The following OTUD7B variants were observed in gnomAD, a reference collection of about 807,000 sequenced individuals.
The protein encoded by OTUD7B is OTU domain-containing protein 7B.
A neutral mutation model predicts 82.2 loss-of-function variants in OTUD7B; 34 were observed. That is an observed-to-expected ratio of 0.41 (90% CI 0.31 to 0.55). The LOEUF is 0.55. OTUD7B is among the 20% of genes least tolerant of loss of function. The pLI is 0.20. For missense variants in OTUD7B, 944 were observed against 1,062.1 expected (o/e 0.89, Z 1.55); for synonymous variants, 398 against 402.7 (o/e 0.99, Z 0.14).
chr1:149,960,183 T>G (rs1189471470), intron 6 of OTUD7B, among the ~76,000 whole-genome samples: 1 of 152,050 alleles, frequency 6.6e-6, no homozygotes, highest in Non-Finnish European at 1.5e-5. Flanking sequence ...TTAAATTTTC[T>G]TTGCCATTAG....
the OTUD7B span, among the ~76,000 whole-genome samples, chr1:150,065,065 A>G: frequency 6.9e-6 from 1 of 144,226 alleles, no homozygotes; most frequent in African/African-American, 2.6e-5. Flanking sequence ...ACAAGCCTAA[A>G]TAAAATGTAC....
Position 149,948,937 on chromosome 1 carries a change from C to A in OTUD7B, c.1238+32G>T, listed in dbSNP as rs182493449. 2.2e-3 allele frequency: 3,071 copies of A among 1,410,430 alleles called. 71 individuals are homozygous for A. The highest frequency in any genetic ancestry group is 2.6e-4 in the Non-Finnish European group (259 of 994,622). 87.4% of individuals were successfully genotyped at this position (1,410,430 alleles called of 1,614,324 possible). On this transcript the variant is annotated intron_variant, in intron 10 of 11. Coordinates refer to ENST00000581312, the MANE Select transcript of OTUD7B (RefSeq NM_020205.4). ...GCCACATGTGGAAGAAATCCCAGCA[C>A]AAAATAGATGAAAAGACTAGGCCTG...
chr1:150,057,502 C>T, the OTUD7B span, among the ~76,000 whole-genome samples: 54 of 152,320 alleles, frequency 3.5e-4, no homozygotes, highest in African/African-American at 1.3e-3. Context: ...ACTAGTGTCA[C>T]TGGCAGAGGA....
Position 149,941,933 on chromosome 1 carries a change from T to C in OTUD7B, c.*1924A>G, listed in dbSNP as rs1272263675. ...AATCTCACTGCTTCCTTAACACAAA[T>C]CTATTTTCAAAGAAAACCCTAAGAA... On this transcript the variant is annotated 3_prime_UTR_variant, in exon 12 of 12. Coordinates refer to ENST00000581312, the MANE Select transcript of OTUD7B (RefSeq NM_020205.4). 1.3e-5 allele frequency: 2 copies of C among 152,132 alleles called. No homozygotes were observed. Among genetic ancestry groups the C allele is most frequent in the Admixed American group, 6.5e-5 (1 of 15,280 alleles). 9.4% of individuals were successfully genotyped at this position (152,132 alleles called of 1,614,324 possible). A position where few individuals can be genotyped will look rare whatever the true frequency, so the allele number is the denominator to read the frequency against.
At chr1:149,990,127 T>A (rs1247281271) in intron 1 of OTUD7B, among the ~76,000 whole-genome samples, 7 of 152,206 alleles carry the variant, frequency 4.6e-5, no homozygotes, top group African/African-American at 1.7e-4. Context: ...GGCACTCTGA[T>A]CTGATGAGAG....
chr1:149,957,616 T>C (rs1356965008), intron 7 of OTUD7B, among the ~76,000 whole-genome samples: 1 of 152,234 alleles, frequency 6.6e-6, no homozygotes, highest in Admixed American at 6.5e-5. Flanking sequence ...TTTGTTCAGC[T>C]ATGCCCTGCC....
chr1:150,001,696 TG>T (rs1652296146), intron 1 of OTUD7B, among the ~76,000 whole-genome samples: 1 of 152,064 alleles, frequency 6.6e-6, no homozygotes, highest in Admixed American at 6.5e-5. Flanking sequence ...AAAAACAAAA[TG>T]TACCCTTGCC....
chr1:150,020,900 G>A, the OTUD7B span, among the ~76,000 whole-genome samples: 8 of 152,236 alleles, frequency 5.3e-5, no homozygotes, highest in Non-Finnish European at 1.0e-4. Flanking sequence ...TCCAAACAGG[G>A]TGTGGATCTT....
chr1:149,951,139 T>C (rs373197004), intron 7 of OTUD7B, among the ~76,000 whole-genome samples: 2 of 152,032 alleles, frequency 1.3e-5, no homozygotes, highest in South Asian at 4.2e-4. Flanking sequence ...CCCACCACCA[T>C]GCCTGGCTAA....
the OTUD7B span, among the ~76,000 whole-genome samples, chr1:150,020,885 T>C: frequency 2.6e-5 from 4 of 152,206 alleles, no homozygotes; most frequent in Non-Finnish European, 5.9e-5. Flanking sequence ...GTTGATTGCT[T>C]AGTTTCCAAA....
At chr1:150,057,807 G>A in the OTUD7B span, among the ~76,000 whole-genome samples, 1 of 152,166 alleles carries the variant, frequency 6.6e-6, no homozygotes, top group Non-Finnish European at 1.5e-5. Context: ...TTATCATAAT[G>A]TTTTAAACAT....
intron 7 of OTUD7B, among the ~76,000 whole-genome samples, chr1:149,951,891 A>G (rs1207130927): frequency 7.9e-5 from 1 of 12,604 alleles, no homozygotes; most frequent in African/African-American, 4.0e-4. Context: ...CACATGGTCA[A>G]CCTTTTTTTT....
chr1:150,041,123 GCT>G, the OTUD7B span, among the ~76,000 whole-genome samples: 1 of 151,718 alleles, frequency 6.6e-6, no homozygotes. Context: ...ACTATATTGT[GCT>G]CTTTTTCTTC....
the OTUD7B span, among the ~76,000 whole-genome samples, chr1:150,040,523 T>C: frequency 3.3e-5 from 5 of 152,220 alleles, no homozygotes; most frequent in Admixed American, 6.5e-5. Context: ...ATGAGATTGA[T>C]ACAAGTATTT....
the OTUD7B span, among the ~76,000 whole-genome samples, chr1:150,032,033 A>C: frequency 3.3e-5 from 5 of 152,240 alleles, no homozygotes; most frequent in East Asian, 5.8e-4. Context: ...CCATAAGGCC[A>C]GGCACGGTGG....
chr1:150,032,397 T>A, the OTUD7B span, among the ~76,000 whole-genome samples: 1 of 139,140 alleles, frequency 7.2e-6, no homozygotes. Flanking sequence ...GGCGGCTAAA[T>A]TGGGAGGACT....
intron 7 of OTUD7B, among the ~76,000 whole-genome samples, chr1:149,956,848 C>T (rs188232130): frequency 1.4e-4 from 21 of 152,288 alleles, no homozygotes; most frequent in Non-Finnish European, 2.6e-4. Flanking sequence ...CTTGTGCACG[C>T]GTCACATAGT....
chr1:150,020,464 G>C, the OTUD7B span, among the ~76,000 whole-genome samples: 3 of 152,146 alleles, frequency 2.0e-5, no homozygotes, highest in Non-Finnish European at 4.4e-5. Flanking sequence ...TTGAACTAGG[G>C]AGGTGGAGGT....
chr1:150,029,997 A>C, the OTUD7B span, among the ~76,000 whole-genome samples: 2 of 152,168 alleles, frequency 1.3e-5, no homozygotes, highest in African/African-American at 4.8e-5. Flanking sequence ...TTGTCCTTAC[A>C]TACATAATTC....
Sources: gnomAD v4.1 joint callset for allele counts (sites outside exome capture counted in the v4.1 genomes callset) on GRCh38, gnomAD v4.1.1 for gene constraint, MANE v1.5 for transcripts, NCBI Gene and HGNC (gene_info 2026-07-23, HGNC 2026-07-21) for gene names.